LHFPL6: variants seen among roughly 807,000 people sequenced by gnomAD.
LHFPL6 encodes the protein LHFPL tetraspan subfamily member 6 protein.
LHFPL6 carries 9 observed loss-of-function variants against 20.6 expected under a neutral mutation model. The ratio of observed to expected loss-of-function variants is 0.44; its 90% confidence interval spans 0.26 to 0.76. The LOEUF is 0.76. Among genes scored for constraint, LHFPL6 ranks in the 30% least tolerant of loss-of-function variants. The pLI is 0.20. For synonymous variants in LHFPL6, 105 were observed against 98.7 expected (o/e 1.06, Z -0.38); for missense variants, 218 against 253.5 (o/e 0.86, Z 0.95).
intron 2 of LHFPL6, among the ~76,000 whole-genome samples, chr13:39,491,421 A>C (rs889962942): frequency 6.6e-6 from 1 of 152,206 alleles, no homozygotes; most frequent in Non-Finnish European, 1.5e-5. Flanking sequence ...GGCCTGAAAG[A>C]GAGTGGAAAA....
intron 2 of LHFPL6, among the ~76,000 whole-genome samples, chr13:39,453,493 G>A (rs934053548): frequency 1.3e-5 from 2 of 152,096 alleles, no homozygotes; most frequent in African/African-American, 4.8e-5. Context: ...TTTGTGTCAT[G>A]TTTTTATAAT....
intron 2 of LHFPL6, among the ~76,000 whole-genome samples, chr13:39,516,262 T>A (rs1172455036): frequency 6.6e-6 from 1 of 152,232 alleles, no homozygotes; most frequent in African/African-American, 2.4e-5. Flanking sequence ...GGCAAAGGCT[T>A]CATGCCCCTA....
intron 2 of LHFPL6, among the ~76,000 whole-genome samples, chr13:39,482,397 C>T (rs1209200376): frequency 1.3e-5 from 2 of 151,046 alleles, no homozygotes; most frequent in South Asian, 2.1e-4. Context: ...GAGCCAAGAT[C>T]GTGCCACTGC....
At chr13:39,504,808 G>A (rs138872679) in intron 2 of LHFPL6, among the ~76,000 whole-genome samples, 91 of 152,306 alleles carry the variant, frequency 6.0e-4, no homozygotes, top group African/African-American at 1.8e-3. Flanking sequence ...TAGTACTTAT[G>A]CTCAGGAATA....
At chr13:39,585,992 T>C (rs534878172) in intron 2 of LHFPL6, among the ~76,000 whole-genome samples, 2 of 152,226 alleles carry the variant, frequency 1.3e-5, no homozygotes, top group East Asian at 3.9e-4. Flanking sequence ...AAAAAATATA[T>C]GGGGCACCCT....
At chr13:39,489,715 G>A (rs182630174) in intron 2 of LHFPL6, among the ~76,000 whole-genome samples, 4 of 152,030 alleles carry the variant, frequency 2.6e-5, no homozygotes, top group Admixed American at 2.6e-4. Flanking sequence ...ACCATGCCCG[G>A]CTAATTTTTG....
chr13:39,562,385 T>TATATACATATATACAC (rs1566141903), intron 2 of LHFPL6, among the ~76,000 whole-genome samples: 5 of 63,516 alleles, frequency 7.9e-5, no homozygotes, highest in East Asian at 3.5e-4. Context: ...CATATATACA[T>TATATACATATATACAC]ATACATATAT....
At chr13:39,349,783 C>A (rs1180126955) in intron 3 of LHFPL6, among the ~76,000 whole-genome samples, 25 of 152,108 alleles carry the variant, frequency 1.6e-4, no homozygotes, top group Non-Finnish European at 1.5e-5. Context: ...CAGGAGTGAG[C>A]CAAGCGTGAA....
Position 39,509,991 on chromosome 13 carries a change from G to GT in LHFPL6, c.385+90840dup, listed in dbSNP as rs550203591. ...CTGGCATGAACCAGACGATATAAAA[G>GT]TAACAATTTACAGATTACAAGAAAT... On this transcript the variant is annotated intron_variant, in intron 2 of 3. Coordinates refer to ENST00000379589, the MANE Select transcript of LHFPL6 (RefSeq NM_005780.3). Among the ~76,000 whole-genome samples the GT allele has an allele frequency of 1.6e-4, 24 of 152,210 alleles. No individual in the cohort carries two copies. In the South Asian group the frequency reaches 4.8e-3, roughly 30 times the overall value.
intron 3 of LHFPL6, among the ~76,000 whole-genome samples, chr13:39,364,678 A>G (rs1248883541): frequency 1.3e-5 from 2 of 151,928 alleles, no homozygotes; most frequent in Non-Finnish European, 2.9e-5. Context: ...TTAACTGTAA[A>G]AGTTCTGGGA....
intron 2 of LHFPL6, among the ~76,000 whole-genome samples, chr13:39,540,201 G>A (rs911512572): frequency 1.3e-5 from 2 of 152,068 alleles, no homozygotes; most frequent in African/African-American, 4.8e-5. Flanking sequence ...GCTATATAAA[G>A]AGCCACAATT....
Position 39,556,909 on chromosome 13 carries a change from C to A in LHFPL6, c.385+43923G>T, listed in dbSNP as rs117205666. On this transcript the variant is annotated intron_variant, in intron 2 of 3. Coordinates refer to ENST00000379589, the MANE Select transcript of LHFPL6 (RefSeq NM_005780.3). The stretch of plus-strand genomic sequence containing the variant: ...CCCAGAAGATTGAAGCTGCAGTGAG[C>A]CATGATCACACCACTGCAGTCCAGC... 7.3e-4 allele frequency among the ~76,000 whole-genome samples: 111 copies of A among 151,174 alleles called. 1 individual carries two copies. The East Asian group carries it at 0.018, about 25-fold the overall frequency.
chr13:39,428,883 T>G (rs75411283), intron 2 of LHFPL6, among the ~76,000 whole-genome samples: 119 of 152,344 alleles, frequency 7.8e-4, no homozygotes, highest in African/African-American at 2.7e-3. Flanking sequence ...TTTCATTCCA[T>G]TCAAAATACT....
chr13:39,551,274 G>A (rs1266621709), intron 2 of LHFPL6, among the ~76,000 whole-genome samples: 1 of 152,076 alleles, frequency 6.6e-6, no homozygotes, highest in Non-Finnish European at 1.5e-5. Context: ...ATGGGGGACT[G>A]GTGGGTGGCA....
At chr13:39,505,604 G>A (rs1593339734) in intron 2 of LHFPL6, among the ~76,000 whole-genome samples, 2 of 152,236 alleles carry the variant, frequency 1.3e-5, no homozygotes, top group East Asian at 3.9e-4. Flanking sequence ...CTGAGAGGCT[G>A]ATTTTGGCTA....
At chr13:39,602,559 G>A (rs1432811077) in intron 1 of LHFPL6, among the ~76,000 whole-genome samples, 6 of 152,046 alleles carry the variant, frequency 3.9e-5, no homozygotes, top group Non-Finnish European at 5.9e-5. Context: ...CCCTCGCCAA[G>A]ACAAGCCCAT....
rs992205559 is a variant in LHFPL6 at position 39,381,530 on chromosome 13, T to G, written c.386-3004A>C. 3.3e-5 allele frequency among the ~76,000 whole-genome samples: 5 copies of G among 152,140 alleles called. No homozygotes were observed. In the South Asian group the frequency reaches 1.0e-3, roughly 32 times the overall value. On this transcript the variant is annotated intron_variant, in intron 2 of 3. Transcript: ENST00000379589. ...CCAACAACGCATGCTTATCTAATTG[T>G]GCTCTTGCTCTTGAAACAAACCAGG...
chr13:39,519,935 C>T (rs1870053554), intron 2 of LHFPL6, among the ~76,000 whole-genome samples: 1 of 152,190 alleles, frequency 6.6e-6, no homozygotes, highest in African/African-American at 2.4e-5. Flanking sequence ...GGTTCACACA[C>T]TAACCACCGG....
intron 2 of LHFPL6, among the ~76,000 whole-genome samples, chr13:39,507,965 T>C (rs1869547613): frequency 7.0e-6 from 1 of 142,260 alleles, no homozygotes; most frequent in Non-Finnish European, 1.5e-5. Context: ...TCCCTTTTTT[T>C]CTCCCCTCCC....
Sources: gnomAD v4.1 joint callset for allele counts (sites outside exome capture counted in the v4.1 genomes callset) on GRCh38, gnomAD v4.1.1 for gene constraint, MANE v1.5 for transcripts, NCBI Gene and HGNC (gene_info 2026-07-23, HGNC 2026-07-21) for gene names.